Variants in SYT10 observed in about 807,000 individuals in gnomAD.
SYT10 encodes the protein synaptotagmin-10.
SYT10 carries 31 observed loss-of-function variants against 51.1 expected under a neutral mutation model. The observed-to-expected ratio is 0.61, with a 90% confidence interval of 0.46 to 0.82. The LOEUF (loss-of-function observed/expected upper bound fraction) is 0.82, where lower values mean the gene tolerates loss of function less well. Among genes scored for constraint, SYT10 ranks in the 40% least tolerant of loss-of-function variants. The probability of loss-of-function intolerance (pLI) is 0.00; values close to 1 mark genes in which losing one functional copy is unlikely to be tolerated. For missense variants in SYT10, 603 were observed against 634.0 expected, an observed-to-expected ratio of 0.95 and a Z score of 0.53; for synonymous variants, 233 against 225.9, an observed-to-expected ratio of 1.03 and a Z score of -0.28.
At chr12:33,383,978 T>G (rs1258910265) in intron 4 of SYT10, among the ~76,000 whole-genome samples, 2 of 152,198 alleles carry the variant, frequency 1.3e-5, no homozygotes, top group African/African-American at 4.8e-5. Flanking sequence ...TTCTTCAACA[T>G]TTACTGACCC....
intron 2 of SYT10, among the ~76,000 whole-genome samples, chr12:33,419,811 G>A (rs552894146): frequency 2.0e-5 from 3 of 152,232 alleles, no homozygotes; most frequent in South Asian, 2.1e-4. Flanking sequence ...TACAGATAAC[G>A]TTCTGAGAAC....
intron 2 of SYT10, among the ~76,000 whole-genome samples, chr12:33,417,088 TGA>T (rs1866460790): frequency 6.6e-6 from 1 of 152,000 alleles, no homozygotes; most frequent in Non-Finnish European, 1.5e-5. Flanking sequence ...AGGAAGAAGG[TGA>T]TAGAAGTTTG....
At chr12:33,390,581 A>AT (rs1311522764) in intron 3 of SYT10, among the ~76,000 whole-genome samples, 1 of 145,914 alleles carries the variant, frequency 6.9e-6, no homozygotes, top group Non-Finnish European at 1.5e-5. Flanking sequence ...TATATATATA[A>AT]AATAAATAAT....
chr12:33,391,821 C>T (rs540554872), intron 3 of SYT10, among the ~76,000 whole-genome samples: 31 of 152,148 alleles, frequency 2.0e-4, no homozygotes, highest in Non-Finnish European at 4.4e-4. Context: ...CATACAAAAG[C>T]TTACTAAATG....
intron 2 of SYT10, among the ~76,000 whole-genome samples, chr12:33,420,917 C>A (rs777215312): frequency 6.6e-6 from 1 of 152,156 alleles, no homozygotes; most frequent in South Asian, 2.1e-4. Context: ...GATCTCAGGT[C>A]TTTCCATTGA....
In SYT10 at chr12:33,439,637, T is replaced by C. The variant is rs1051258943; in HGVS notation, c.-115A>G. ...ATAGTCCGCCCGCGGTGACTTTGGC[T>C]GGAGATTGCGCCGCTGAGAGCCGGC... On this transcript the variant is annotated 5_prime_UTR_variant, in exon 1 of 7. Coordinates refer to ENST00000228567, the MANE Select transcript of SYT10 (RefSeq NM_198992.4). The C allele has an allele frequency of 6.0e-6, 8 of 1,325,352 alleles. No individual in the cohort carries two copies. In the African/African-American group the frequency reaches 1.0e-4, roughly 17 times the overall value. The allele number at this position is 1,325,352 out of a possible 1,614,324, so 82.1% of individuals were successfully genotyped here.
intron 3 of SYT10, among the ~76,000 whole-genome samples, chr12:33,399,727 A>G (rs1866286177): frequency 6.6e-6 from 1 of 152,228 alleles, no homozygotes; most frequent in Non-Finnish European, 1.5e-5. Context: ...GTCTTATGAT[A>G]GTATATGAAG....
At chr12:33,412,472 A>G (rs900074821) in intron 2 of SYT10, among the ~76,000 whole-genome samples, 2 of 152,038 alleles carry the variant, frequency 1.3e-5, no homozygotes, top group African/African-American at 2.4e-5. Flanking sequence ...CAAATATCCA[A>G]CCAATCACAG....
intron 2 of SYT10, among the ~76,000 whole-genome samples, chr12:33,422,516 CT>C (rs1866514218): frequency 6.6e-6 from 1 of 152,046 alleles, no homozygotes; most frequent in African/African-American, 2.4e-5. Context: ...ACAAGAGAGA[CT>C]CTGAACATGT....
At chr12:33,439,344 A>T (rs1340586006) in intron 1 of SYT10, 28 bp downstream of exon 1, 1 of 1,599,776 alleles carries the variant, frequency 6.3e-7, no homozygotes, top group South Asian at 1.1e-5. Context: ...GCGGAGCGCG[A>T]GGACGCGAGC....
intron 3 of SYT10, chr12:33,405,746 T>G (rs1311790022): frequency 1.3e-5 from 2 of 151,718 alleles, no homozygotes; most frequent in African/African-American, 4.8e-5. Flanking sequence ...AAAAACAACC[T>G]GATGGTAAAA....
At chr12:33,385,140 G>A (rs752900398) in intron 4 of SYT10, 31 bp downstream of exon 4, 3 of 1,604,960 alleles carry the variant, frequency 1.9e-6, no homozygotes, top group African/African-American at 2.7e-5. Flanking sequence ...TTGAGATTGT[G>A]CCCTTGGTCC....
intron 5 of SYT10, among the ~76,000 whole-genome samples, chr12:33,381,390 G>A (rs565049586): frequency 6.6e-6 from 1 of 152,180 alleles, no homozygotes; most frequent in East Asian, 1.9e-4. Context: ...GTGTGTTTGT[G>A]CGTTTTAGAA....
At chr12:33,414,353 C>G (rs1364367168) in intron 2 of SYT10, among the ~76,000 whole-genome samples, 1 of 152,202 alleles carries the variant, frequency 6.6e-6, no homozygotes, top group Non-Finnish European at 1.5e-5. Flanking sequence ...ATCTACAGAA[C>G]TCTCCACCCC....
intron 2 of SYT10, among the ~76,000 whole-genome samples, chr12:33,408,535 C>T (rs1866378786): frequency 1.3e-5 from 2 of 152,138 alleles, no homozygotes; most frequent in African/African-American, 4.8e-5. Context: ...ACGAACTGTG[C>T]CAAACTACCC....
intron 3 of SYT10, among the ~76,000 whole-genome samples, chr12:33,390,085 A>G (rs77279125): frequency 0.03 from 4,515 of 152,328 alleles, 237 homozygotes; most frequent in African/African-American, 0.1. Context: ...AGAACTAAAT[A>G]ACATATATAG....
intron 1 of SYT10, 83 bp downstream of exon 1, chr12:33,439,289 G>A: frequency 1.3e-5 from 20 of 1,494,764 alleles, no homozygotes; most frequent in Admixed American, 2.2e-5. Context: ...AGCGGCGCGG[G>A]AGGCGCAGAA....
At chr12:33,393,303 G>A (rs1223533219) in intron 3 of SYT10, among the ~76,000 whole-genome samples, 1 of 152,068 alleles carries the variant, frequency 6.6e-6, no homozygotes, top group Non-Finnish European at 1.5e-5. Context: ...TCCTCATACT[G>A]GTTAAGAGAT....
intron 1 of SYT10, among the ~76,000 whole-genome samples, chr12:33,430,331 G>C (rs1591998768): frequency 6.6e-6 from 1 of 152,186 alleles, no homozygotes. Context: ...AGAAAATACA[G>C]GGAACTTCTA....
Sources: gnomAD v4.1 joint callset for allele counts (sites outside exome capture counted in the v4.1 genomes callset) on GRCh38, gnomAD v4.1.1 for gene constraint, MANE v1.5 for transcripts, NCBI Gene and HGNC (gene_info 2026-07-23, HGNC 2026-07-21) for gene names.